YLPM1: variants seen among roughly 807,000 people sequenced by gnomAD.
YLPM1 encodes the protein YLP motif containing 1, also known as YLP motif-containing protein 1.
A neutral mutation model predicts 230.0 loss-of-function variants in YLPM1; 99 were observed. That is an observed-to-expected ratio of 0.43 (90% CI 0.37 to 0.51). The LOEUF (loss-of-function observed/expected upper bound fraction) is 0.51. YLPM1 is among the 20% of genes least tolerant of loss of function. The pLI is 0.00. For missense variants in YLPM1, 2,592 were observed against 2,707.7 expected (o/e 0.96, Z 0.95); for synonymous variants, 984 against 942.5 (o/e 1.04, Z -0.81).
At chr14:74,835,472 A>ATATT in intron 20 of YLPM1, 25 bp downstream of exon 20, 1 of 1,580,538 alleles carries the variant, frequency 6.3e-7, no homozygotes, top group Non-Finnish European at 8.6e-7. Context: ...TCATATAAAT[A>ATATT]GCCTACTGTG....
chr14:74,821,148 G>C lies in YLPM1; in HGVS notation c.6111+11G>C. Reference sequence around the variant, plus strand: ...GAGGAAAGCGAACTGGTAGGAGACAGACCAACCACTTTGAACAGTGTCTCT... The same window carrying C: ...GAGGAAAGCGAACTGGTAGGAGACACACCAACCACTTTGAACAGTGTCTCT... On this transcript the variant is annotated intron_variant, in intron 17 of 20. Transcript: ENST00000325680. 4 of 1,538,950 alleles carry C rather than the reference G, an allele frequency of 2.6e-6. No individual in the cohort carries two copies. Among genetic ancestry groups the C allele is most frequent in the Non-Finnish European group, 3.5e-6 (4 of 1,141,712 alleles).
chr14:74,799,385 G>A lies in YLPM1; in HGVS notation c.4088G>A (p.Arg1363Gln), dbSNP rs757763862. 11 of 1,614,002 alleles carry A rather than the reference G, an allele frequency of 6.8e-6. No homozygotes were observed. The highest frequency in any genetic ancestry group is 4.5e-5 in the East Asian group (2 of 44,888). The change falls in exon 5 of 21, where the codon CGA (arginine) becomes CAA (glutamine). Residue 1363 changes from arginine (R) to glutamine (Q), a missense_variant. By Grantham distance (43) the Arg-to-Gln change is conservative. Transcript: ENST00000325680. ...AGAAATCGAGAGCATGGGTATGATC[G>A]AGATTTCCGTGATAGGGGTGAGTTG... ...EERNREHGYDRDFRDRGELRI... is the reference protein window; with the variant it reads ...EERNREHGYDQDFRDRGELRI...
intron 4 of YLPM1, among the ~76,000 whole-genome samples, chr14:74,784,061 TATC>T (rs2091122805): frequency 6.6e-6 from 1 of 152,250 alleles, no homozygotes; most frequent in South Asian, 2.1e-4. Flanking sequence ...TTGGCATGTG[TATC>T]ATCTTGATTT....
chr14:74,827,983 T>G (rs1336057826), intron 18 of YLPM1: 1 of 985,454 alleles, frequency 1.0e-6, no homozygotes, highest in Non-Finnish European at 1.2e-6. Flanking sequence ...TATAAACTGT[T>G]GCAGTTCGCC....
At chr14:74,827,854 G>A (rs2091577999) in intron 18 of YLPM1, 2 of 985,188 alleles carry the variant, frequency 2.0e-6, no homozygotes, top group Non-Finnish European at 1.2e-6. Context: ...TGTATAATAC[G>A]GCCCGTCATA....
At chr14:74,788,835 CAAAA>C (rs988775323) in intron 4 of YLPM1, among the ~76,000 whole-genome samples, 13 of 149,226 alleles carry the variant, frequency 8.7e-5, no homozygotes, top group Non-Finnish European at 1.8e-4. Context: ...GATCCTGACT[CAAAA>C]AAAAAGAAAG....
In YLPM1 at chr14:74,763,906, T is replaced by C; in HGVS notation, c.417T>C (p.Val139=). The change falls in exon 1 of 21, where the codon GTT becomes GTC. Residue 139 remains valine, a synonymous_variant. Transcript: ENST00000325680. Reference sequence around the variant, plus strand: ...AACGAGACGGGCCTCCTGGTTTGGTTCCAATGGAGCTGGAATCCCCCCCTG... The same window carrying C: ...AACGAGACGGGCCTCCTGGTTTGGTCCCAATGGAGCTGGAATCCCCCCCTG... ...HHQRDGPPGL[V]PMELESPPES... 6.4e-7 allele frequency: 1 copy of C among 1,563,840 alleles called. No homozygotes were observed. The highest frequency in any genetic ancestry group is 1.2e-5 in the South Asian group (1 of 81,832).
chr14:74,781,787 C>G lies in YLPM1; in HGVS notation c.1744C>G (p.Leu582Val). The change falls in exon 4 of 21, where the codon CTC becomes GTC. Residue 582 changes from leucine (L) to valine (V), a missense_variant. By Grantham distance (32) the Leu-to-Val change is conservative (BLOSUM62 1). Transcript: ENST00000325680. Reference protein sequence around the residue: ...SVPPPGMPPSLSSAGPPPVLP... With the variant: ...SVPPPGMPPSVSSAGPPPVLP... ...TCCCCCACCAGGGATGCCTCCTTCT[C>G]TCTCTTCTGCAGGGCCACCACCAGT... 6.2e-7 allele frequency: 1 copy of G among 1,612,462 alleles called. No individual in the cohort carries two copies. Among genetic ancestry groups the G allele is most frequent in the African/African-American group, 1.3e-5 (1 of 74,562 alleles).
In YLPM1 at chr14:74,782,175, A is replaced by G; in HGVS notation, c.2132A>G (p.Tyr711Cys). Residue 711 changes from tyrosine (Y) to cysteine (C), a missense_variant, in exon 4 of 21, where the codon TAC (tyrosine) becomes TGC (cysteine). By Grantham distance (194) the Tyr-to-Cys change is radical (BLOSUM62 -2). This residue lies in a region of YLPM1 where 1,862 missense variants were observed against 1,819.8 expected (regional missense o/e 1.02). Transcript: ENST00000325680. ...KAPLSKSALP[Y>C]SSFSSDQGLG... Reference sequence around the variant, plus strand: ...CCTTTGAGCAAGTCTGCTCTGCCATACAGTTCATTCTCATCTGATCAAGGA... The same window carrying G: ...CCTTTGAGCAAGTCTGCTCTGCCATGCAGTTCATTCTCATCTGATCAAGGA... 1 of 1,611,228 alleles carries G rather than the reference A, an allele frequency of 6.2e-7. No individual in the cohort carries two copies. Among genetic ancestry groups the G allele is most frequent in the South Asian group, 1.1e-5 (1 of 91,056 alleles).
chr14:74,811,439 C>T (rs2091433634), intron 9 of YLPM1, among the ~76,000 whole-genome samples, 181 bp from the exon 10 acceptor site: 1 of 151,806 alleles, frequency 6.6e-6, no homozygotes, highest in Non-Finnish European at 1.5e-5. Flanking sequence ...GCCGAGATCA[C>T]GCCACTGCAT....
chr14:74,781,974 C>G lies in YLPM1; in HGVS notation c.1931C>G (p.Pro644Arg). 3 of 1,613,720 alleles carry G rather than the reference C, an allele frequency of 1.9e-6. No homozygotes were observed. The highest frequency in any genetic ancestry group is 2.5e-6 in the Non-Finnish European group (3 of 1,179,720). The change falls in exon 4 of 21, where the codon CCT becomes CGT. Residue 644 changes from proline (P) to arginine (R), a missense_variant. Around this residue, in one of 4 missense-constraint regions of YLPM1, gnomAD observed 1,862 missense variants for 1,819.8 expected, o/e 1.02. Transcript: ENST00000325680. The stretch of plus-strand genomic sequence containing the variant: ...CCTGGAGTTCCACAAGGGATACCTC[C>G]TCAGTTAACAGCAGCCCCAGTTCCA... ...PPPGVPQGIP[P>R]QLTAAPVPPA...
At chr14:74,802,769 A>G (rs1041311114) in intron 6 of YLPM1, 93 bp downstream of exon 6, 72 of 1,409,768 alleles carry the variant, frequency 5.1e-5, no homozygotes, top group Non-Finnish European at 6.5e-5. Flanking sequence ...ATAAATAACA[A>G]ATTTCCTCTA....
chr14:74,834,109 G>T (rs1225749176), intron 19 of YLPM1, among the ~76,000 whole-genome samples: 1 of 151,452 alleles, frequency 6.6e-6, no homozygotes, highest in African/African-American at 2.4e-5. Flanking sequence ...AGCACTTTGG[G>T]CGGCCAAGGC....
chr14:74,778,764 G>A, intron 2 of YLPM1, 81 bp downstream of exon 2: 3 of 1,314,538 alleles, frequency 2.3e-6, no homozygotes, highest in South Asian at 3.1e-5. Flanking sequence ...TATCATAAAT[G>A]GATATATATT....
intron 4 of YLPM1, among the ~76,000 whole-genome samples, chr14:74,796,285 C>A (rs943879424): frequency 6.6e-6 from 1 of 152,220 alleles, no homozygotes; most frequent in Non-Finnish European, 1.5e-5. Flanking sequence ...GCTCTCTTGA[C>A]TCTGTTTCCC....
At chr14:74,771,586 A>G (rs1272634626) in intron 1 of YLPM1, among the ~76,000 whole-genome samples, 1 of 152,210 alleles carries the variant, frequency 6.6e-6, no homozygotes, top group Non-Finnish European at 1.5e-5. Context: ...CTCTAGGAGG[A>G]GGGAGTCGTC....
At chr14:74,774,905 T>TGTC (rs2091018378) in intron 1 of YLPM1, among the ~76,000 whole-genome samples, 1 of 152,228 alleles carries the variant, frequency 6.6e-6, no homozygotes, top group Non-Finnish European at 1.5e-5. Flanking sequence ...TCGCTGCTGC[T>TGTC]GTCCAGCATC....
Position 74,810,349 on chromosome 14 carries a change from AGACCGGGATCGTGGTGTTATTGACTAT to A in YLPM1, c.5169_5195del (p.Gly1724_Arg1732del), listed in dbSNP as rs753653091. 3 of 1,613,924 alleles carry A rather than the reference AGACCGGGATCGTGGTGTTATTGACTAT, an allele frequency of 1.9e-6. No homozygotes were observed. In the South Asian group the frequency reaches 3.3e-5, roughly 18 times the overall value. On this transcript the variant is annotated inframe_deletion, in exon 9 of 21. Coordinates refer to ENST00000325680, the MANE Select transcript of YLPM1 (RefSeq NM_019589.3). The stretch of plus-strand genomic sequence containing the variant: ...GGGATCGTGAGACACATAGAGATCG[AGACCGGGATCGTGGTGTTATTGACTAT>A]GACCGGGATCGATTTGACAGAGAAC...
chr14:74,781,809 C>G lies in YLPM1; in HGVS notation c.1766C>G (p.Pro589Arg), dbSNP rs2091096967. 16 of 1,612,566 alleles carry G rather than the reference C, an allele frequency of 9.9e-6. No individual in the cohort carries two copies. The highest frequency in any genetic ancestry group is 6.7e-5 in the African/African-American group (5 of 74,702). Residue 589 changes from proline to arginine, a missense_variant, in exon 4 of 21, where the codon CCA becomes CGA. This residue lies in a region of YLPM1 where 1,862 missense variants were observed against 1,819.8 expected (regional missense o/e 1.02). Coordinates refer to ENST00000325680, the MANE Select transcript of YLPM1 (RefSeq NM_019589.3). ...TCTCTCTCTTCTGCAGGGCCACCAC[C>G]AGTTCTCCCCCCACCTTCCCTGTCT... Reference protein sequence around the residue: ...PPSLSSAGPPPVLPPPSLSSA... With the variant: ...PPSLSSAGPPRVLPPPSLSSA...
Sources: allele counts gnomAD v4.1 joint callset (sites outside exome capture counted in the v4.1 genomes callset), GRCh38; gene constraint gnomAD v4.1.1; regional missense constraint gnomAD v4.1.1; transcripts MANE v1.5; gene names NCBI Gene and HGNC (gene_info 2026-07-23, HGNC 2026-07-21).